The following TASOR2 variants were observed in gnomAD, a reference collection of about 807,000 sequenced individuals.
The protein encoded by TASOR2 is transcription activation suppressor family member 2.
Under a neutral mutation model 199.5 loss-of-function variants are expected in TASOR2, and 84 were observed. The ratio of observed to expected loss-of-function variants is 0.42; its 90% confidence interval spans 0.35 to 0.50. The LOEUF (loss-of-function observed/expected upper bound fraction) is 0.50, where lower values mean the gene tolerates loss of function less well. TASOR2 is among the 20% of genes least tolerant of loss of function. TASOR2 has a pLI of 0.02. For missense variants in TASOR2, 2,796 were observed against 2,835.9 expected (o/e 0.99, Z 0.32); for synonymous variants, 1,103 against 1,046.6 (o/e 1.05, Z -1.04).
Position 5,720,667 on chromosome 10 carries a change from A to T in TASOR2, c.25A>T (p.Ile9Leu). 6.2e-7 allele frequency: 1 copy of T among 1,614,134 alleles called. No individual in the cohort carries two copies. Among genetic ancestry groups the T allele is most frequent in the East Asian group, 2.2e-5 (1 of 44,870 alleles). Residue 9 changes from isoleucine to leucine, a missense_variant and splice_region_variant, in exon 4 of 21, where the codon ATA becomes TTA. Ile to Leu is a conservative substitution (Grantham distance 5). Coordinates refer to ENST00000328090, the Ensembl canonical transcript of TASOR2. This position sits in a 1 kb window ranked among gnomAD's most constrained non-coding sequence, Gnocchi z 5.3. ...TATGGCACCACCAGCTCATAAAAGC[A>T]TGTAAGTAATTATGTGCATGCTTTG...
rs1471454419 is a variant in TASOR2 at position 5,685,568 on chromosome 10, C to G, written c.-288+393C>G. Among the ~76,000 whole-genome samples, 1 of 152,170 alleles carries G rather than the reference C, an allele frequency of 6.6e-6. No homozygotes were observed. The highest frequency in any genetic ancestry group is 2.4e-5 in the African/African-American group (1 of 41,438). ...CATTTCCTGCGGGTTCTGCGTGAAG[C>G]CTGCTGCTACTCGAGACTTCATGGC... On this transcript the variant is annotated intron_variant, in intron 1 of 20. Coordinates refer to ENST00000328090, the Ensembl canonical transcript of TASOR2. This position sits in a 1 kb window ranked among gnomAD's most constrained non-coding sequence, Gnocchi z 5.4.
rs1183025793 is a variant in TASOR2, at chr10:5,712,646, ACG to A, written c.-287-175_-287-174del. On this transcript the variant is annotated intron_variant, in intron 1 of 20. Transcript: ENST00000328090. ...GCACTTTTTAGCTATAATTTTTCAGACGCAGCAGATCCTTGGAAATAGTCACT... is the reference window on the plus strand; with the variant it reads ...GCACTTTTTAGCTATAATTTTTCAGACAGCAGATCCTTGGAAATAGTCACT... The A allele has an allele frequency of 3.8e-5, 38 of 1,004,640 alleles. No individual in the cohort carries two copies. In the African/African-American group the frequency reaches 6.0e-4, roughly 16 times the overall value. The allele number at this position is 1,004,640 out of a possible 1,614,324, so 62.2% of individuals were successfully genotyped here.
chr10:5,695,831 T>C (rs1204839074), intron 1 of TASOR2, among the ~76,000 whole-genome samples: 2 of 152,196 alleles, frequency 1.3e-5, no homozygotes, highest in Non-Finnish European at 2.9e-5. Context: ...AGCAAGCAGA[T>C]TCTTTCCACA....
At chr10:5,717,960 A>G (rs555846952) in intron 3 of TASOR2, among the ~76,000 whole-genome samples, 1 of 152,330 alleles carries the variant, frequency 6.6e-6, no homozygotes, top group Admixed American at 6.5e-5. Context: ...CAAAAATAAT[A>G]AAAGGGTATG....
chr10:5,703,926 A>T (rs1420031055), intron 1 of TASOR2, among the ~76,000 whole-genome samples: 2 of 151,986 alleles, frequency 1.3e-5, no homozygotes. Flanking sequence ...ATAATTTGAG[A>T]AAGTTTTCAT....
chr10:5,763,001 GTTCT>G (rs778313251), intron 20 of TASOR2, 24 bp from the exon 22 acceptor site: 18 of 1,607,522 alleles, frequency 1.1e-5, no homozygotes, highest in Non-Finnish European at 1.5e-5. Flanking sequence ...ATTTTAAGAA[GTTCT>G]TTATCAATTT....
At chr10:5,700,272 A>T (rs966111849) in intron 1 of TASOR2, among the ~76,000 whole-genome samples, 14 of 148,986 alleles carry the variant, frequency 9.4e-5, no homozygotes, top group African/African-American at 3.4e-4. Context: ...GCAGGATTTT[A>T]TTTTTTTTTT....
rs771107205 is a variant in TASOR2, at chr10:5,722,711, A to G, written c.147-966A>G. Among the ~76,000 whole-genome samples, 2 of 152,260 alleles carry G rather than the reference A, an allele frequency of 1.3e-5. No individual in the cohort carries two copies. The highest frequency in any genetic ancestry group is 3.9e-4 in the East Asian group (2 of 5,154). On this transcript the variant is annotated intron_variant, in intron 6 of 20. Transcript: ENST00000328090. The surrounding 1 kb of genome is among the most constrained non-coding windows in gnomAD (Gnocchi z 4.0). ...TAAAAGCATTTTAAAATGAGTTTTTAAAAAGGAAACAGAGTGCCGGGCACA... is the reference window on the plus strand; with the variant it reads ...TAAAAGCATTTTAAAATGAGTTTTTGAAAAGGAAACAGAGTGCCGGGCACA...
At chr10:5,749,801 A>G (rs1425204711) in exon 15 of TASOR2, 13 of 1,613,950 alleles carry the variant, frequency 8.1e-6, no homozygotes. Flanking sequence ...AATAGCAACC[A>G]ATTCATTTTC....
At chr10:5,759,874 G>T (rs1209891204) in intron 18 of TASOR2, among the ~76,000 whole-genome samples, 1 of 152,218 alleles carries the variant, frequency 6.6e-6, no homozygotes, top group Non-Finnish European at 1.5e-5. Context: ...CAGGTCAAGG[G>T]TATGACCATT....
At chr10:5,749,699 A>G (rs754270057) in exon 15 of TASOR2, 1 of 1,614,226 alleles carries the variant, frequency 6.2e-7, no homozygotes, top group South Asian at 1.1e-5. Flanking sequence ...TTCCACCTCA[A>G]CAAACTGAAA....
rs115693546 is a variant in TASOR2, at chr10:5,746,717, C to T, written c.3296C>T (p.Ser1099Leu). Reference sequence around the variant, plus strand: ...AGCCTTAGACATCCTGTATCCACCTCGGAAAATGCACGAACACAAGGCCTG... The same window carrying T: ...AGCCTTAGACATCCTGTATCCACCTTGGAAAATGCACGAACACAAGGCCTG... Residue 1099 changes from serine (S) to leucine (L), a missense_variant, in exon 15 of 21, where the codon TCG becomes TTG. Physicochemically the swap from Ser to Leu is moderately radical, Grantham distance 145 (BLOSUM62 -2). This residue lies in a region of TASOR2 where 1,941 missense variants were observed against 1,924.9 expected (regional missense o/e 1.01). Transcript: ENST00000328090. The T allele has an allele frequency of 1.1e-3, 1,721 of 1,614,100 alleles. 9 individuals carry two copies. The African/African-American group carries it at 0.016, about 15-fold the overall frequency.
chr10:5,755,580 A>G (rs1392464941), intron 15 of TASOR2, among the ~76,000 whole-genome samples: 1 of 152,026 alleles, frequency 6.6e-6, no homozygotes, highest in East Asian at 1.9e-4. Context: ...TCTCAAAAAA[A>G]AAAGATCCAA....
rs755370369 is a variant in TASOR2, at chr10:5,720,844, GTTTC to G, written c.47-23_47-20del. On this transcript the variant is annotated intron_variant, in intron 5 of 20. Coordinates refer to ENST00000328090, the Ensembl canonical transcript of TASOR2. This position sits in a 1 kb window ranked among gnomAD's most constrained non-coding sequence, Gnocchi z 5.3. ...GTAAATGTTTCATCATAAATAATCA[GTTTC>G]TTTTTTACCTTCATTTCTTCAGTTC... The G allele has an allele frequency of 5.0e-6, 8 of 1,593,216 alleles. No individual in the cohort carries two copies. Among genetic ancestry groups the G allele is most frequent in the Non-Finnish European group, 6.8e-6 (8 of 1,173,706 alleles).
At chr10:5,693,363 C>T (rs1392227081) in intron 1 of TASOR2, among the ~76,000 whole-genome samples, 1 of 152,144 alleles carries the variant, frequency 6.6e-6, no homozygotes, top group Non-Finnish European at 1.5e-5. Flanking sequence ...CAGGTTATTA[C>T]CTTAGTTTTT....
intron 20 of TASOR2, 67 bp from the exon 22 acceptor site, chr10:5,762,962 C>T: frequency 6.7e-7 from 1 of 1,484,030 alleles, no homozygotes; most frequent in African/African-American, 1.4e-5. Context: ...TTAGAGCATC[C>T]CGCTTATAAA....
In TASOR2 at chr10:5,706,913, G is replaced by C. The variant is rs1838691443; in HGVS notation, c.-287-5910G>C. Among the ~76,000 whole-genome samples, 1 of 152,000 alleles carries C rather than the reference G, an allele frequency of 6.6e-6. No homozygotes were observed. Among genetic ancestry groups the C allele is most frequent in the East Asian group, 1.9e-4 (1 of 5,180 alleles). The stretch of plus-strand genomic sequence containing the variant: ...AGCTACACGGGAGGCCGAGGCAAGA[G>C]AGTTGCTTGAACCCGGGAGGTGGAG... On this transcript the variant is annotated intron_variant, in intron 1 of 20. Transcript: ENST00000328090. This position sits in a 1 kb window ranked among gnomAD's most constrained non-coding sequence, Gnocchi z 4.8.
At chr10:5,704,810 A>G (rs1838365211) in intron 1 of TASOR2, among the ~76,000 whole-genome samples, 1 of 152,178 alleles carries the variant, frequency 6.6e-6, no homozygotes, top group Admixed American at 6.5e-5. Flanking sequence ...CTTATGAACC[A>G]TTTATATGTA....
At chr10:5,692,754 GC>G (rs1836599326) in intron 1 of TASOR2, 2 of 151,870 alleles carry the variant, frequency 1.3e-5, no homozygotes, top group Non-Finnish European at 3.0e-5. Flanking sequence ...AGCCGGCGTC[GC>G]CCTTGTTGAC....
Sources: gnomAD v4.1 joint callset for allele counts (sites outside exome capture counted in the v4.1 genomes callset) on GRCh38, gnomAD v4.1.1 for gene constraint, gnomAD v4.1.1 regional missense constraint, Gnocchi (gnomAD v3.1) non-coding constraint, MANE v1.5 for transcripts, NCBI Gene and HGNC (gene_info 2026-07-23, HGNC 2026-07-21) for gene names.